The following PLXNA4 variants were observed in gnomAD, a reference collection of about 807,000 sequenced individuals.
The protein encoded by PLXNA4 is plexin-A4.
A neutral mutation model predicts 191.8 loss-of-function variants in PLXNA4; 44 were observed. The observed-to-expected ratio is 0.23, with a 90% CI of 0.18 to 0.29. The LOEUF (loss-of-function observed/expected upper bound fraction) is 0.29. PLXNA4 is among the 10% of genes least tolerant of loss of function. The pLI is 1.00. For synonymous variants in PLXNA4, 1,082 were observed against 1,009.5 expected (o/e 1.07, Z -1.36); for missense variants, 1,800 against 2,488.8 (o/e 0.72, Z 5.89).
At chr7:132,367,701 C>T (rs1484676772) in intron 3 of PLXNA4, 2 of 152,210 alleles carry the variant, frequency 1.3e-5, no homozygotes, top group Non-Finnish European at 2.9e-5. Flanking sequence ...ATACAGCTGA[C>T]CACAGGTTGG....
At chr7:132,211,260 C>T (rs1022030519) in intron 9 of PLXNA4, 117 bp from the exon 10 acceptor site, 14 of 1,136,520 alleles carry the variant, frequency 1.2e-5, no homozygotes, top group South Asian at 9.1e-5. Flanking sequence ...CACCCACAGG[C>T]GACCCCTGAG....
At chr7:132,577,978 C>T (rs1431171569), upstream of PLXNA4, among the ~76,000 whole-genome samples, 1 of 152,178 alleles carries the variant, frequency 6.6e-6, no homozygotes, top group African/African-American at 2.4e-5. Flanking sequence ...CTTTTCCATT[C>T]ATGTTTATAC....
chr7:132,558,289 T>G (rs933359944), intron 1 of PLXNA4, among the ~76,000 whole-genome samples: 3 of 152,356 alleles, frequency 2.0e-5, no homozygotes, highest in East Asian at 3.9e-4. Context: ...AAACAGTATG[T>G]GCTGGAGAAA....
At position 132,326,455 on chromosome 7, in the gene PLXNA4, T is replaced by C. The variant is rs867353622; in HGVS notation, c.1372-28233A>G. Among the ~76,000 whole-genome samples, 6 of 152,304 alleles carry C rather than the reference T, an allele frequency of 3.9e-5. 1 individual carries two copies. The Middle Eastern group carries it at 0.014, about 345-fold the overall frequency. ...GATGCCCTCGAATGGTGGCCCTTGG[T>C]GCTCCCGTGGCCTGCATGGTCTGGC... is the stretch of plus-strand genomic sequence containing the variant. On this transcript the variant is annotated intron_variant, in intron 3 of 31. Coordinates refer to ENST00000321063, the MANE Select transcript of PLXNA4 (RefSeq NM_020911.2).
intron 3 of PLXNA4, among the ~76,000 whole-genome samples, chr7:132,343,681 G>C (rs1005789787): frequency 1.3e-5 from 2 of 152,188 alleles, no homozygotes; most frequent in Non-Finnish European, 2.9e-5. Flanking sequence ...CACTTTGAGA[G>C]GCCAAGGCGG....
Position 132,507,776 on chromosome 7 carries a change from C to A in PLXNA4, c.918G>T (p.Glu306Asp). 2 of 1,614,096 alleles carry A rather than the reference C, an allele frequency of 1.2e-6. No homozygotes were observed. The highest frequency in any genetic ancestry group is 1.7e-6 in the Non-Finnish European group (2 of 1,180,032). The stretch of plus-strand genomic sequence containing the variant: ...GGTAGGCAGCCTGCAGCAGGCGGTA[C>A]TCCACCCCACTGCGCTCACAGCCAA... Reference protein sequence around the residue: ...VPIGCERSGVEYRLLQAAYLS... With the variant: ...VPIGCERSGVDYRLLQAAYLS... Residue 306 changes from glutamate to aspartate, a missense_variant, in exon 2 of 32, where the codon GAG becomes GAT. By Grantham distance (45) the Glu-to-Asp change is conservative (BLOSUM62 2). Coordinates refer to ENST00000321063, the MANE Select transcript of PLXNA4 (RefSeq NM_020911.2).
At position 132,279,839 on chromosome 7, in the gene PLXNA4, G is replaced by A. The variant is rs532026366; in HGVS notation, c.1503+18252C>T. On this transcript the variant is annotated intron_variant, in intron 4 of 31. Coordinates refer to ENST00000321063, the MANE Select transcript of PLXNA4 (RefSeq NM_020911.2). Reference sequence around the variant, plus strand: ...TAAAACTAGTGGACGGAGAGATGATGACATTAGCATGACTTGAGATGGGAG... The same window carrying A: ...TAAAACTAGTGGACGGAGAGATGATAACATTAGCATGACTTGAGATGGGAG... Among the ~76,000 whole-genome samples, 257 of 152,270 alleles carry A rather than the reference G, an allele frequency of 1.7e-3. 2 individuals carry two copies. The highest frequency in any genetic ancestry group is 6.0e-3 in the African/African-American group (248 of 41,538).
Position 132,226,252 on chromosome 7 carries a change from G to T in PLXNA4, c.1891C>A (p.His631Asn), listed in dbSNP as rs1798318686. The part of the protein sequence containing the change: ...PRIITENGDH[H>N]VVQLQLKSKE... ...GATTTGAGCTGAAGCTGTACGACAT[G>T]GTGGTCCCCTACAAGGAGAGATGGC... The change falls in exon 8 of 32, where the codon CAT becomes AAT. Residue 631 changes from histidine (H) to asparagine (N), a missense_variant. Transcript: ENST00000321063. 6.2e-6 allele frequency: 10 copies of T among 1,613,324 alleles called. No homozygotes were observed. In the East Asian group the frequency reaches 2.2e-4, roughly 36 times the overall value.
chr7:132,156,794 G>A (rs894720301), intron 25 of PLXNA4, among the ~76,000 whole-genome samples: 1 of 152,238 alleles, frequency 6.6e-6, no homozygotes, highest in Non-Finnish European at 1.5e-5. Context: ...TGTGGGGGCT[G>A]TGATTGAATA....
intron 4 of PLXNA4, among the ~76,000 whole-genome samples, chr7:132,289,390 G>A (rs1800800639): frequency 6.6e-6 from 1 of 152,240 alleles, no homozygotes; most frequent in Middle Eastern, 3.4e-3. Flanking sequence ...TTCTTAGGTT[G>A]GTTCCTTCTT....
chr7:132,406,038 C>T (rs1256083417), intron 3 of PLXNA4, among the ~76,000 whole-genome samples: 1 of 152,200 alleles, frequency 6.6e-6, no homozygotes, highest in African/African-American at 2.4e-5. Context: ...GACAATGACT[C>T]AATGTGGCCT....
intron 3 of PLXNA4, among the ~76,000 whole-genome samples, chr7:132,487,113 G>GT (rs1196932314): frequency 6.6e-6 from 1 of 152,184 alleles, no homozygotes; most frequent in Non-Finnish European, 1.5e-5. Flanking sequence ...GAAAATAACT[G>GT]TTTTGTTATG....
Position 132,610,094 on chromosome 7 carries a change from T to C in PLXNA4, c.-87+35834A>G, listed in dbSNP as rs752682721. On this transcript the variant is annotated intron_variant, in intron 2 of 4. Coordinates refer to the PLXNA4 transcript ENST00000378539. Reference sequence around the variant, plus strand: ...CCTTCCTTTAGATGAGTTTATCCTCTTCCTATTTTAAGAAAGAGCTTCACA... The same window carrying C: ...CCTTCCTTTAGATGAGTTTATCCTCCTCCTATTTTAAGAAAGAGCTTCACA... Among the ~76,000 whole-genome samples the C allele has an allele frequency of 1.6e-4, 25 of 152,328 alleles. No homozygotes were observed. The Middle Eastern group carries it at 0.017, about 104-fold the overall frequency.
intron 3 of PLXNA4, among the ~76,000 whole-genome samples, chr7:132,432,267 G>A (rs773322687): frequency 1.2e-4 from 19 of 152,078 alleles, no homozygotes; most frequent in Non-Finnish European, 2.4e-4. Flanking sequence ...AACTCCCTTC[G>A]AATCCCGTTT....
At chr7:132,165,921 G>T (rs1037555655) in intron 22 of PLXNA4, among the ~76,000 whole-genome samples, 4 of 152,168 alleles carry the variant, frequency 2.6e-5, no homozygotes, top group African/African-American at 9.7e-5. Flanking sequence ...TATTGCGGCT[G>T]GGCACGGTGG....
intron 14 of PLXNA4, among the ~76,000 whole-genome samples, chr7:132,187,993 G>A (rs990794836): frequency 6.6e-6 from 1 of 151,790 alleles, no homozygotes; most frequent in Non-Finnish European, 1.5e-5. Flanking sequence ...TGTTAAGCTA[G>A]TTTTCCAAGG....
chr7:132,246,078 ATTTT>A (rs560836274), intron 4 of PLXNA4, among the ~76,000 whole-genome samples: 1 of 152,170 alleles, frequency 6.6e-6, no homozygotes, highest in African/African-American at 2.4e-5. Context: ...AACACTGTGA[ATTTT>A]TTTATGTGTA....
intron 3 of PLXNA4, among the ~76,000 whole-genome samples, chr7:132,365,315 T>A (rs1166422485): frequency 6.7e-6 from 1 of 149,858 alleles, no homozygotes; most frequent in East Asian, 2.0e-4. Context: ...CCCCCGGTCT[T>A]TCCTACGGCC....
chr7:132,517,662 C>T (rs1404516658), intron 1 of PLXNA4, among the ~76,000 whole-genome samples: 4 of 152,164 alleles, frequency 2.6e-5, no homozygotes, highest in Admixed American at 6.5e-5. Context: ...TGTCAGCAGC[C>T]CCCTCCCTTG....
Sources: allele counts gnomAD v4.1 joint callset (sites outside exome capture counted in the v4.1 genomes callset), GRCh38; gene constraint gnomAD v4.1.1; transcripts MANE v1.5; gene names NCBI Gene and HGNC (gene_info 2026-07-23, HGNC 2026-07-21).